The following HTR2C variants were observed in gnomAD, a reference collection of about 807,000 sequenced individuals.
HTR2C encodes 5-hydroxytryptamine (serotonin) receptor 2C, G protein-coupled.
A neutral mutation model predicts 21.0 loss-of-function variants in HTR2C; 5 were observed. The observed-to-expected ratio is 0.24, with a 90% CI of 0.12 to 0.50. The LOEUF is 0.50. HTR2C is among the 20% of genes least tolerant of loss of function. The probability of loss-of-function intolerance (pLI) is 0.98; values close to 1 mark genes in which losing one functional copy is unlikely to be tolerated. For synonymous variants in HTR2C, 150 were observed against 145.3 expected (o/e 1.03, Z -0.23); for missense variants, 271 against 371.2 (o/e 0.73, Z 2.22).
chrX:114,813,260 G>A (rs183188875), intron 4 of HTR2C, among the ~76,000 whole-genome samples: 108 of 111,875 alleles, frequency 9.7e-4, no homozygotes, highest in Non-Finnish European at 1.6e-3. Context: ...TAGTGGGGGC[G>A]ATCCATCAAT....
intron 4 of HTR2C, among the ~76,000 whole-genome samples, chrX:114,814,933 A>C (rs1556453997): frequency 9.7e-6 from 1 of 103,212 alleles, no homozygotes; most frequent in African/African-American, 3.5e-5. Context: ...TATATCATAT[A>C]TCATATATAC....
At chrX:114,827,199 G>A (rs1477694502) in intron 4 of HTR2C, among the ~76,000 whole-genome samples, 1 of 111,238 alleles carries the variant, frequency 9.0e-6, no homozygotes, top group Non-Finnish European at 1.9e-5. Context: ...GCTCCAATGA[G>A]TATTTCCCTT....
chrX:114,887,209 G>A (rs1461437174), intron 5 of HTR2C, among the ~76,000 whole-genome samples: 1 of 111,745 alleles, frequency 8.9e-6, no homozygotes, highest in Non-Finnish European at 1.9e-5. Context: ...GGTAGATGAC[G>A]CTGTAGAGGT....
chrX:114,704,527 C>T (rs1556417581), intron 2 of HTR2C, among the ~76,000 whole-genome samples: 2 of 111,798 alleles, frequency 1.8e-5, no homozygotes, highest in African/African-American at 3.3e-5. Flanking sequence ...GCTAAAAACT[C>T]TCAATAAATT....
At chrX:114,654,292 CATATAT>C (rs1166731600) in intron 2 of HTR2C, among the ~76,000 whole-genome samples, 2 of 106,185 alleles carry the variant, frequency 1.9e-5, no homozygotes, top group Middle Eastern at 5.0e-3. Flanking sequence ...TATATATACT[CATATAT>C]ATATAACATA....
intron 4 of HTR2C, among the ~76,000 whole-genome samples, chrX:114,767,659 T>A (rs1008915261): frequency 9.3e-6 from 1 of 107,843 alleles, no homozygotes; most frequent in Non-Finnish European, 1.9e-5. Flanking sequence ...TAATTTTGTA[T>A]GAAAATATAT....
At chrX:114,868,113 C>T (rs947763906) in intron 5 of HTR2C, among the ~76,000 whole-genome samples, 3 of 109,821 alleles carry the variant, frequency 2.7e-5, no homozygotes, top group Admixed American at 1.9e-4. Context: ...GACATATTAA[C>T]AATATTGATT....
rs148194298 is a variant in HTR2C at position 114,745,805 on chromosome X, G to A, written c.349+14198G>A. Among the ~76,000 whole-genome samples, 994 of 111,400 alleles carry A rather than the reference G, an allele frequency of 8.9e-3. 10 individuals are homozygous for A. Among genetic ancestry groups the A allele is most frequent in the African/African-American group, 0.03 (929 of 30,656 alleles). Reference sequence around the variant, plus strand: ...GTAGAAGGACGGTTACCAGAAGCTGGGAAGGGTAGTGGGGGGGGATGGGTG... The same window carrying A: ...GTAGAAGGACGGTTACCAGAAGCTGAGAAGGGTAGTGGGGGGGGATGGGTG... On this transcript the variant is annotated intron_variant, in intron 4 of 5. Transcript: ENST00000276198.
At chrX:114,901,514 A>G (rs1281715237) in intron 5 of HTR2C, among the ~76,000 whole-genome samples, 9 of 111,972 alleles carry the variant, frequency 8.0e-5, no homozygotes, top group Admixed American at 7.6e-4. Context: ...AAATAGTGGT[A>G]GAAGTAACAT....
chrX:114,764,937 C>CTT (rs2069930495), intron 4 of HTR2C, among the ~76,000 whole-genome samples: 729 of 25,770 alleles, frequency 0.028, 2 homozygotes, highest in East Asian at 0.072. Context: ...TCCTTCCTTC[C>CTT]TTCCTTCCTT....
chrX:114,602,513 T>C (rs1351066322), intron 1 of HTR2C, among the ~76,000 whole-genome samples: 19 of 59,433 alleles, frequency 3.2e-4, no homozygotes, highest in Middle Eastern at 6.8e-3. Context: ...AAAAGACCTT[T>C]AGTCCATTCT....
At chrX:114,667,195 G>GT (rs1278953576) in intron 2 of HTR2C, among the ~76,000 whole-genome samples, 4 of 110,546 alleles carry the variant, frequency 3.6e-5, no homozygotes, top group African/African-American at 9.8e-5. Flanking sequence ...AGTATCAGTT[G>GT]TTTTTTTAAC....
intron 4 of HTR2C, among the ~76,000 whole-genome samples, chrX:114,798,095 A>T (rs1416575553): frequency 9.0e-6 from 1 of 111,055 alleles, no homozygotes; most frequent in East Asian, 2.8e-4. Flanking sequence ...TATAAGAATG[A>T]TTTGGACAGC....
chrX:114,651,768 A>G (rs1930586031), intron 2 of HTR2C: 1 of 123,386 alleles, frequency 8.1e-6, no homozygotes, highest in Non-Finnish European at 1.9e-5. Flanking sequence ...CTCACAACTT[A>G]AATTTGCATG....
chrX:114,735,017 A>C (rs1556424144), intron 4 of HTR2C, among the ~76,000 whole-genome samples: 1 of 111,687 alleles, frequency 9.0e-6, no homozygotes, highest in Non-Finnish European at 1.9e-5. Flanking sequence ...AAAATAAAAT[A>C]GTGGAGGTCA....
intron 5 of HTR2C, among the ~76,000 whole-genome samples, chrX:114,886,065 T>C (rs1236763590): frequency 3.6e-5 from 4 of 111,567 alleles, no homozygotes; most frequent in African/African-American, 6.5e-5. Flanking sequence ...ATAATTGTTA[T>C]ACCTTTCTCA....
intron 4 of HTR2C, among the ~76,000 whole-genome samples, chrX:114,795,023 T>A (rs2070275903): frequency 9.2e-6 from 1 of 108,914 alleles, no homozygotes; most frequent in Non-Finnish European, 1.9e-5. Flanking sequence ...TTTCTCCACA[T>A]CCTCTCCAGC....
chrX:114,666,816 A>G (rs1223943263), intron 2 of HTR2C, among the ~76,000 whole-genome samples: 1 of 111,884 alleles, frequency 8.9e-6, no homozygotes, highest in Admixed American at 9.6e-5. Flanking sequence ...TTTAAATTCA[A>G]TAGGGAAATC....
intron 5 of HTR2C, among the ~76,000 whole-genome samples, chrX:114,904,783 C>T (rs1556486156): frequency 9.0e-6 from 1 of 111,214 alleles, no homozygotes; most frequent in Non-Finnish European, 1.9e-5. Context: ...TAAGCCAACA[C>T]TGATGTCTTT....
Sources: gnomAD v4.1 joint callset for allele counts (sites outside exome capture counted in the v4.1 genomes callset) on GRCh38, gnomAD v4.1.1 for gene constraint, MANE v1.5 for transcripts, NCBI Gene and HGNC (gene_info 2026-07-23, HGNC 2026-07-21) for gene names.